DNTT: variants seen among roughly 807,000 people sequenced by gnomAD.
The protein encoded by DNTT is DNA nucleotidylexotransferase, also known as nucleosidetriphosphate:DNA deoxynucleotidylexotransferase.
In DNTT, 47 loss-of-function variants were observed where a neutral mutation model predicts 60.9. The observed-to-expected ratio is 0.77, with a 90% CI of 0.61 to 0.98. The LOEUF (loss-of-function observed/expected upper bound fraction) is 0.98, where lower values mean the gene tolerates loss of function less well. Among genes scored for constraint, DNTT ranks in the 50% least tolerant of loss-of-function variants. The pLI, the probability that DNTT is intolerant of heterozygous loss-of-function variation, is 0.00. For synonymous variants in DNTT, 224 were observed against 221.2 expected, an observed-to-expected ratio of 1.01 and a Z score of -0.11; for missense variants, 665 against 627.5, an observed-to-expected ratio of 1.06 and a Z score of -0.64.
At chr10:96,327,698 G>T (rs1844955066) in intron 7 of DNTT, 98 bp downstream of exon 7, 4 of 1,509,202 alleles carry the variant, frequency 2.7e-6, no homozygotes, top group Non-Finnish European at 3.5e-6. Context: ...CTGTGATCTG[G>T]TGCCAGCTTC....
At chr10:96,313,415 T>C (rs143720983) in intron 1 of DNTT, among the ~76,000 whole-genome samples, 154 of 152,290 alleles carry the variant, frequency 1.0e-3, no homozygotes, top group African/African-American at 3.7e-3. Context: ...TGACCATAGA[T>C]AGTTCATTAC....
At chr10:96,333,028 G>A (rs1463392589) in intron 9 of DNTT, among the ~76,000 whole-genome samples, 1 of 152,104 alleles carries the variant, frequency 6.6e-6, no homozygotes, top group Non-Finnish European at 1.5e-5. Flanking sequence ...AAAGTGGAGA[G>A]GCAACTCACA....
At chr10:96,337,341 T>C (rs934102027) in intron 10 of DNTT, among the ~76,000 whole-genome samples, 1 of 152,156 alleles carries the variant, frequency 6.6e-6, no homozygotes, top group Admixed American at 6.5e-5. Context: ...TGCTGCTTCT[T>C]GGAATTGGGA....
intron 8 of DNTT, among the ~76,000 whole-genome samples, chr10:96,331,609 C>A (rs1318251731): frequency 6.6e-6 from 1 of 152,122 alleles, no homozygotes; most frequent in African/African-American, 2.4e-5. Context: ...GAGGACGGCA[C>A]AAGTCATTCA....
At chr10:96,318,272 G>A in intron 1 of DNTT, 80 bp from the exon 2 acceptor site, 1 of 1,501,842 alleles carries the variant, frequency 6.7e-7, no homozygotes. Flanking sequence ...CAGATGGAAT[G>A]CTCAGAAACC....
intron 1 of DNTT, among the ~76,000 whole-genome samples, chr10:96,312,266 TG>T (rs917187031): frequency 6.6e-6 from 1 of 152,090 alleles, no homozygotes; most frequent in African/African-American, 2.4e-5. Flanking sequence ...TCTTGGGCTG[TG>T]GGGTGGTTTT....
chr10:96,324,229 C>G, intron 5 of DNTT, 37 bp from the exon 6 acceptor site: 1 of 1,601,688 alleles, frequency 6.2e-7, no homozygotes, highest in African/African-American at 1.3e-5. Flanking sequence ...TAATGATTAT[C>G]TTAGAGACTG....
At chr10:96,307,743 ATG>A (rs542854533) in intron 1 of DNTT, among the ~76,000 whole-genome samples, 66 of 134,204 alleles carry the variant, frequency 4.9e-4, no homozygotes, top group Non-Finnish European at 8.9e-4. Flanking sequence ...AAGCATATAT[ATG>A]TGTGTGTGTG....
chr10:96,304,645 G>C lies in DNTT; in HGVS notation c.148G>C (p.Ala50Pro). 2 of 1,614,172 alleles carry C rather than the reference G, an allele frequency of 1.2e-6. No homozygotes were observed. The highest frequency in any genetic ancestry group is 1.7e-6 in the Non-Finnish European group (2 of 1,180,016). ...LEKKMGTTRR[A>P]FLMELARRKG... ...GAAGAAAATGGGAACCACCCGCAGA[G>C]CGTTCCTCATGGAGCTGGCCCGCAG... Residue 50 changes from alanine to proline, a missense_variant, in exon 1 of 11, where the codon GCG (alanine) becomes CCG (proline). By Grantham distance (27) the Ala-to-Pro change is conservative. Transcript: ENST00000371174.
At chr10:96,322,244 T>A (rs1337072347) in intron 4 of DNTT, among the ~76,000 whole-genome samples, 1 of 152,198 alleles carries the variant, frequency 6.6e-6, no homozygotes, top group East Asian at 1.9e-4. Flanking sequence ...GAGCTAGACA[T>A]CACAAGGGCT....
At chr10:96,325,325 A>G (rs1415954513) in intron 6 of DNTT, among the ~76,000 whole-genome samples, 2 of 152,238 alleles carry the variant, frequency 1.3e-5, no homozygotes, top group African/African-American at 4.8e-5. Context: ...TCCAGTATTT[A>G]TATTCCAGGA....
chr10:96,317,205 A>G (rs1844796761), intron 1 of DNTT, among the ~76,000 whole-genome samples: 1 of 152,188 alleles, frequency 6.6e-6, no homozygotes, highest in African/African-American at 2.4e-5. Context: ...CCCAGAAAAA[A>G]CAATAAAAGA....
intron 6 of DNTT, among the ~76,000 whole-genome samples, chr10:96,325,744 C>A (rs1327886679): frequency 6.6e-6 from 1 of 152,180 alleles, no homozygotes; most frequent in African/African-American, 2.4e-5. Context: ...GTTATAGGCA[C>A]CCCTTGGAGC....
In DNTT at chr10:96,306,108, T is replaced by TTG. The variant is rs1554920132; in HGVS notation, c.203+1409_203+1410insGT. On this transcript the variant is annotated intron_variant, in intron 1 of 10. Transcript: ENST00000371174. ...AAAAAATAGATTTTTTTTTTTTTTT[T>TTG]TTTGAGACAGAGTCTTGCTCTGTTG... Among the ~76,000 whole-genome samples, 520 of 150,542 alleles carry TTG rather than the reference T, an allele frequency of 3.5e-3. 4 individuals carry two copies. Among genetic ancestry groups the TTG allele is most frequent in the African/African-American group, 0.011 (435 of 41,188 alleles).
intron 1 of DNTT, among the ~76,000 whole-genome samples, chr10:96,307,051 C>T (rs773479827): frequency 6.6e-6 from 1 of 152,192 alleles, no homozygotes; most frequent in Non-Finnish European, 1.5e-5. Flanking sequence ...TGATAAATGG[C>T]CTATCTGATG....
chr10:96,319,370 A>C lies in DNTT; in HGVS notation c.487A>C (p.Asn163His). 2 of 1,613,788 alleles carry C rather than the reference A, an allele frequency of 1.2e-6. No homozygotes were observed. The highest frequency in any genetic ancestry group is 1.7e-4 in the Middle Eastern group (1 of 6,060). Residue 163 changes from asparagine (N) to histidine (H), a missense_variant, in exon 3 of 11, where the codon AAC becomes CAC. Asn to His is a moderately conservative substitution (Grantham distance 68, BLOSUM62 1). Coordinates refer to ENST00000371174, the MANE Select transcript of DNTT (RefSeq NM_004088.4). ...YACQRRTTLN[N>H]CNQIFTDAFD... is the part of the protein sequence containing the mutation. ...GTGTCAGAGAAGAACCACTTTAAACAACTGTAACCAGATATTCACGGTAAC... is the reference window on the plus strand; with the variant it reads ...GTGTCAGAGAAGAACCACTTTAAACCACTGTAACCAGATATTCACGGTAAC...
At chr10:96,330,316 CTTT>C (rs34863236) in intron 8 of DNTT, among the ~76,000 whole-genome samples, 2,437 of 140,326 alleles carry the variant, frequency 0.017, 12 homozygotes, top group East Asian at 0.075. Context: ...GCTTTGTGGG[CTTT>C]TTTTTTTTTT....
intron 6 of DNTT, 142 bp downstream of exon 6, chr10:96,324,531 G>T: frequency 6.7e-6 from 9 of 1,342,734 alleles, no homozygotes; most frequent in Non-Finnish European, 9.1e-6. Context: ...CTAAATCCTA[G>T]CTCCAGCAGT....
intron 4 of DNTT, among the ~76,000 whole-genome samples, chr10:96,322,150 T>C (rs1168688987): frequency 2.0e-5 from 3 of 152,194 alleles, no homozygotes; most frequent in Non-Finnish European, 1.5e-5. Context: ...GTTGGTCATC[T>C]GGTAGTAAGT....
Sources: gnomAD v4.1 joint callset for allele counts (sites outside exome capture counted in the v4.1 genomes callset) on GRCh38, gnomAD v4.1.1 for gene constraint, MANE v1.5 for transcripts, NCBI Gene and HGNC (gene_info 2026-07-23, HGNC 2026-07-21) for gene names.